The following OPCML variants were observed in gnomAD, a reference collection of about 807,000 sequenced individuals.
The protein encoded by OPCML is opioid-binding protein/cell adhesion molecule.
In OPCML, 13 loss-of-function variants were observed where a neutral mutation model predicts 37.8. That is an observed-to-expected ratio of 0.34 (90% CI 0.22 to 0.55). The LOEUF is 0.55. OPCML is among the 20% of genes least tolerant of loss of function. OPCML has a pLI of 0.91. For synonymous variants in OPCML, 176 were observed against 168.8 expected (o/e 1.04, Z -0.33); for missense variants, 341 against 435.6 (o/e 0.78, Z 1.93).
intron 4 of OPCML, among the ~76,000 whole-genome samples, chr11:132,455,966 C>T (rs537701422): frequency 3.9e-5 from 6 of 152,218 alleles, no homozygotes; most frequent in African/African-American, 9.6e-5. Flanking sequence ...CAATAAAATC[C>T]TCTATTAAAA....
chr11:133,160,985 A>G (rs751556446), intron 1 of OPCML, among the ~76,000 whole-genome samples: 34 of 152,220 alleles, frequency 2.2e-4, no homozygotes, highest in Non-Finnish European at 4.1e-4. Flanking sequence ...GCCCAGGTAC[A>G]TGGAGCTGGA....
rs373113966 is a variant in OPCML, at chr11:133,423,208, C to A, written c.61+109056G>T. On this transcript the variant is annotated intron_variant, in intron 1 of 7. Transcript: ENST00000524381. The stretch of plus-strand genomic sequence containing the variant: ...CTTTATTCTTCAGTACTCAATCATC[C>A]CCTTGATCATTTTAATTGCCTCATT... The A allele has an allele frequency of 1.4e-4, 134 of 985,264 alleles. 1 individual carries two copies. In the South Asian group the frequency reaches 4.9e-3, roughly 36 times the overall value. 61.0% of individuals were successfully genotyped at this position (985,264 alleles called of 1,614,324 possible). A position where few individuals can be genotyped will look rare whatever the true frequency, so the allele number is the denominator to read the frequency against.
At chr11:133,045,214 T>C (rs1403429813) in intron 1 of OPCML, among the ~76,000 whole-genome samples, 1 of 152,212 alleles carries the variant, frequency 6.6e-6, no homozygotes, top group Non-Finnish European at 1.5e-5. Context: ...TTCACACCTC[T>C]GGCAGGATGG....
At chr11:133,444,190 T>G (rs1946423647) in intron 1 of OPCML, among the ~76,000 whole-genome samples, 2 of 152,064 alleles carry the variant, frequency 1.3e-5, no homozygotes, top group South Asian at 4.1e-4. Context: ...TCCTGCTAGC[T>G]CTAAACATGT....
chr11:132,699,565 T>A (rs572797838), intron 2 of OPCML, among the ~76,000 whole-genome samples: 1 of 152,220 alleles, frequency 6.6e-6, no homozygotes, highest in African/African-American at 2.4e-5. Flanking sequence ...AAAACAATGT[T>A]GAATTTTGTC....
chr11:132,985,230 G>A (rs1475606668), intron 1 of OPCML, among the ~76,000 whole-genome samples: 1 of 152,174 alleles, frequency 6.6e-6, no homozygotes, highest in Non-Finnish European at 1.5e-5. Flanking sequence ...GTAGGAGTTA[G>A]TAAGGCACTC....
intron 3 of OPCML, among the ~76,000 whole-genome samples, chr11:132,652,349 AACAC>A (rs5795793): frequency 6.1e-4 from 87 of 142,616 alleles, no homozygotes; most frequent in African/African-American, 9.5e-4. Flanking sequence ...AAGAATGACA[AACAC>A]ACACACACAC....
chr11:132,548,487 T>C (rs895444233), intron 3 of OPCML, among the ~76,000 whole-genome samples: 4 of 152,160 alleles, frequency 2.6e-5, no homozygotes, highest in African/African-American at 9.7e-5. Context: ...GTTCATCTGC[T>C]CATTTCCCTC....
At chr11:132,591,397 T>C (rs557386594) in intron 3 of OPCML, among the ~76,000 whole-genome samples, 1 of 152,374 alleles carries the variant, frequency 6.6e-6, no homozygotes, top group African/African-American at 2.4e-5. Flanking sequence ...ATCTGCTTCA[T>C]TACTTGTAGA....
chr11:132,759,426 G>T (rs948014906), intron 2 of OPCML, among the ~76,000 whole-genome samples: 1 of 152,026 alleles, frequency 6.6e-6, no homozygotes, highest in Non-Finnish European at 1.5e-5. Context: ...AATCTGTCTG[G>T]TCCTGGGCTT....
At chr11:133,200,293 C>G (rs1010662517) in intron 1 of OPCML, among the ~76,000 whole-genome samples, 3 of 152,000 alleles carry the variant, frequency 2.0e-5, no homozygotes, top group African/African-American at 7.3e-5. Flanking sequence ...TTATATGCAC[C>G]TGTCTCCCTT....
intron 3 of OPCML, among the ~76,000 whole-genome samples, chr11:132,564,092 G>A (rs143229752): frequency 3.3e-5 from 5 of 152,174 alleles, no homozygotes; most frequent in Admixed American, 2.6e-4. Context: ...CAAAAATCAC[G>A]TGGAAAGTTG....
intron 1 of OPCML, among the ~76,000 whole-genome samples, chr11:133,210,119 G>A (rs1939292479): frequency 6.6e-6 from 1 of 152,174 alleles, no homozygotes; most frequent in Admixed American, 6.5e-5. Context: ...GCTGGAACTG[G>A]GACGTGCCTC....
At chr11:132,682,162 T>A (rs1184474121) in intron 2 of OPCML, among the ~76,000 whole-genome samples, 2 of 152,050 alleles carry the variant, frequency 1.3e-5, no homozygotes, top group African/African-American at 4.8e-5. Flanking sequence ...TCCTGCACCC[T>A]CTCACCTGAG....
At chr11:132,893,981 C>A (rs187439564) in intron 2 of OPCML, among the ~76,000 whole-genome samples, 1 of 152,184 alleles carries the variant, frequency 6.6e-6, no homozygotes, top group Non-Finnish European at 1.5e-5. Context: ...CACACACACA[C>A]AAGCACATGC....
At chr11:133,490,432 A>T (rs1230410942) in intron 1 of OPCML, among the ~76,000 whole-genome samples, 2 of 152,232 alleles carry the variant, frequency 1.3e-5, no homozygotes, top group Non-Finnish European at 2.9e-5. Flanking sequence ...TAAGACATAA[A>T]TTGATACAGC....
At position 133,211,392 on chromosome 11, in the gene OPCML, G is replaced by T. The variant is rs1286322241; in HGVS notation, c.62-268382C>A. 6.6e-6 allele frequency among the ~76,000 whole-genome samples: 1 copy of T among 152,134 alleles called. No homozygotes were observed. Among genetic ancestry groups the T allele is most frequent in the African/African-American group, 2.4e-5 (1 of 41,406 alleles). On this transcript the variant is annotated intron_variant, in intron 1 of 7. Transcript: ENST00000524381. This position sits in a 1 kb window ranked among gnomAD's most constrained non-coding sequence, Gnocchi z 4.1. ...TCTGAATCCTCTCCCTCTCAAACTG[G>T]GAACAATAAGGCTTCAGAGCCTTGC...
Position 132,420,183 on chromosome 11 carries a change from G to A in OPCML, c.*10C>T. On this transcript the variant is annotated 3_prime_UTR_variant, in exon 8 of 8. Transcript: ENST00000524381. ...AAGCAGGCGTTGCTCAGAGGACCTA[G>A]GATTTCTTATCAAAACTTGATGAAG... 6.2e-7 allele frequency: 1 copy of A among 1,613,290 alleles called. No individual in the cohort carries two copies. Among genetic ancestry groups the A allele is most frequent in the Non-Finnish European group, 8.5e-7 (1 of 1,179,294 alleles).
intron 1 of OPCML, chr11:133,009,104 A>G: frequency 1.0e-6 from 1 of 985,256 alleles, no homozygotes. Flanking sequence ...GATTAAATGC[A>G]TTCTTTAATT....
Sources: allele counts gnomAD v4.1 joint callset (sites outside exome capture counted in the v4.1 genomes callset), GRCh38; gene constraint gnomAD v4.1.1; non-coding constraint Gnocchi (gnomAD v3.1); transcripts MANE v1.5; gene names NCBI Gene and HGNC (gene_info 2026-07-23, HGNC 2026-07-21).